The following ATF6 variants were observed in gnomAD, a reference collection of about 807,000 sequenced individuals.
ATF6 encodes the protein cyclic AMP-dependent transcription factor ATF-6 alpha.
In ATF6, 53 loss-of-function variants were observed where a neutral mutation model predicts 83.6. That is an observed-to-expected ratio of 0.63 (90% CI 0.51 to 0.80). The LOEUF (loss-of-function observed/expected upper bound fraction) is 0.80. Among genes scored for constraint, ATF6 ranks in the 30% least tolerant of loss-of-function variants. The probability of loss-of-function intolerance (pLI) is 0.00; values close to 1 mark genes in which losing one functional copy is unlikely to be tolerated. For missense variants in ATF6, 744 were observed against 797.9 expected (o/e 0.93, Z 0.81); for synonymous variants, 288 against 285.8 (o/e 1.01, Z -0.08).
chr1:161,827,523 A>T (rs545275052), intron 9 of ATF6, among the ~76,000 whole-genome samples: 2 of 152,222 alleles, frequency 1.3e-5, no homozygotes, highest in Non-Finnish European at 2.9e-5. Flanking sequence ...AGATTTCCAA[A>T]GTATTTTAAA....
intron 15 of ATF6, among the ~76,000 whole-genome samples, chr1:161,925,586 T>C (rs951109215): frequency 3.3e-5 from 5 of 152,208 alleles, no homozygotes; most frequent in Non-Finnish European, 7.3e-5. Context: ...TCATCTTACT[T>C]GTAATCAGTA....
In ATF6 at chr1:161,912,289, ATT is replaced by A; in HGVS notation, c.1720-4_1720-3del. On this transcript the variant is annotated splice_region_variant and splice_polypyrimidine_tract_variant and intron_variant, in intron 14 of 15. Transcript: ENST00000367942. ...ATATATAACAGATTGTTCTTTGTTA[ATT>A]TTAGGATCACCTGCTGTTACCAGCT... is the stretch of plus-strand genomic sequence containing the variant. The A allele has an allele frequency of 1.3e-6, 2 of 1,598,678 alleles. No individual in the cohort carries two copies. Among genetic ancestry groups the A allele is most frequent in the Non-Finnish European group, 8.5e-7 (1 of 1,172,640 alleles).
intron 14 of ATF6, among the ~76,000 whole-genome samples, chr1:161,890,277 C>G (rs1275009421): frequency 1.3e-5 from 2 of 152,148 alleles, no homozygotes; most frequent in Non-Finnish European, 2.9e-5. Flanking sequence ...AATTAAAGAT[C>G]TCGGAAGTTT....
At chr1:161,919,051 T>A in intron 15 of ATF6, among the ~76,000 whole-genome samples, 1 of 152,198 alleles carries the variant, frequency 6.6e-6, no homozygotes, top group East Asian at 1.9e-4. Flanking sequence ...ATTAATGCCA[T>A]TTAGAAATCA....
chr1:161,928,756 CA>C (rs1688373407), intron 15 of ATF6, among the ~76,000 whole-genome samples: 1 of 152,154 alleles, frequency 6.6e-6, no homozygotes, highest in Admixed American at 6.5e-5. Context: ...ACTGTCTTCT[CA>C]CTAATGAATT....
At chr1:161,785,940 T>G (rs981716907) in intron 4 of ATF6, among the ~76,000 whole-genome samples, 7 of 152,060 alleles carry the variant, frequency 4.6e-5, no homozygotes, top group Non-Finnish European at 1.0e-4. Flanking sequence ...TTGCATTTCT[T>G]TTTAAAAAAT....
At chr1:161,843,008 A>G (rs1023758624) in intron 9 of ATF6, among the ~76,000 whole-genome samples, 1 of 152,180 alleles carries the variant, frequency 6.6e-6, no homozygotes, top group African/African-American at 2.4e-5. Flanking sequence ...GTATTTTCCA[A>G]TGCGTTTATT....
chr1:161,902,714 T>C (rs1012681094), intron 14 of ATF6, among the ~76,000 whole-genome samples: 2 of 152,238 alleles, frequency 1.3e-5, no homozygotes, highest in African/African-American at 4.8e-5. Context: ...TAGTAGATCC[T>C]GGGGATTCAC....
rs577269963 is a variant in ATF6 at position 161,774,528 on chromosome 1, G to A, written c.83-3716G>A. ...AGAACAGTGCAAAGAACTCTTGCAT[G>A]CCTTTTACACAGACTCCTCAGTTGT... On this transcript the variant is annotated intron_variant, in intron 1 of 15. Coordinates refer to ENST00000367942, the MANE Select transcript of ATF6 (RefSeq NM_007348.4). Among the ~76,000 whole-genome samples the A allele has an allele frequency of 4.0e-5, 6 of 151,804 alleles. No individual in the cohort carries two copies. In the East Asian group the frequency reaches 1.2e-3, roughly 29 times the overall value.
chr1:161,824,060 AT>A (rs1186984220), intron 9 of ATF6, among the ~76,000 whole-genome samples: 1 of 152,178 alleles, frequency 6.6e-6, no homozygotes, highest in Admixed American at 6.5e-5. Flanking sequence ...AAAAGACTGT[AT>A]CCGTTTACAT....
intron 6 of ATF6, among the ~76,000 whole-genome samples, chr1:161,797,344 T>C (rs1364606722): frequency 6.6e-6 from 1 of 151,896 alleles, no homozygotes; most frequent in Non-Finnish European, 1.5e-5. Context: ...GAGAAAGAAA[T>C]AAAAGGCATC....
intron 3 of ATF6, among the ~76,000 whole-genome samples, chr1:161,783,734 G>A (rs1333368144): frequency 1.3e-5 from 2 of 151,486 alleles, no homozygotes; most frequent in East Asian, 1.9e-4. Flanking sequence ...GCAGATGCAA[G>A]TGTACACATA....
At chr1:161,830,059 A>G (rs1365685632) in intron 9 of ATF6, among the ~76,000 whole-genome samples, 2 of 152,256 alleles carry the variant, frequency 1.3e-5, no homozygotes, top group Non-Finnish European at 2.9e-5. Flanking sequence ...CCATTATCTT[A>G]GCCCAAAATC....
At chr1:161,864,833 G>C (rs1008591632) in intron 14 of ATF6, among the ~76,000 whole-genome samples, 2 of 152,162 alleles carry the variant, frequency 1.3e-5, no homozygotes, top group Admixed American at 1.3e-4. Flanking sequence ...TGAAAACAAA[G>C]TATTTCCCTT....
In ATF6 at chr1:161,805,462, C is replaced by T. The variant is rs116407624; in HGVS notation, c.909+3190C>T. 6.8e-3 allele frequency among the ~76,000 whole-genome samples: 1,028 copies of T among 152,166 alleles called. 6 individuals are homozygous for T. Among genetic ancestry groups the T allele is most frequent in the Non-Finnish European group, 0.012 (783 of 67,986 alleles). On this transcript the variant is annotated intron_variant, in intron 7 of 15. Coordinates refer to ENST00000367942, the MANE Select transcript of ATF6 (RefSeq NM_007348.4). The stretch of plus-strand genomic sequence containing the variant: ...TTTTTACTTGGCCAGCACATCGAGA[C>T]GTGAGCCAAGCCTTTCAATATGAGT...
chr1:161,771,481 G>A (rs759446273), intron 1 of ATF6, among the ~76,000 whole-genome samples: 1 of 152,130 alleles, frequency 6.6e-6, no homozygotes, highest in Non-Finnish European at 1.5e-5. Context: ...GGTGGGATAG[G>A]TGTCTCCATT....
chr1:161,864,021 G>A (rs1180521792), intron 14 of ATF6, among the ~76,000 whole-genome samples: 1 of 152,156 alleles, frequency 6.6e-6, no homozygotes. Flanking sequence ...AGGAGCACAT[G>A]AATGAATTAG....
chr1:161,838,234 T>C (rs1484634062), intron 9 of ATF6, among the ~76,000 whole-genome samples: 1 of 152,178 alleles, frequency 6.6e-6, no homozygotes, highest in East Asian at 1.9e-4. Flanking sequence ...GAGGATACTT[T>C]TCTGTAGTGA....
intron 14 of ATF6, among the ~76,000 whole-genome samples, chr1:161,889,829 G>A (rs1687509774): frequency 6.6e-6 from 1 of 152,178 alleles, no homozygotes; most frequent in Non-Finnish European, 1.5e-5. Context: ...ATATAAATAA[G>A]TAGAATGAAA....
Sources: gnomAD v4.1 joint callset for allele counts (sites outside exome capture counted in the v4.1 genomes callset) on GRCh38, gnomAD v4.1.1 for gene constraint, MANE v1.5 for transcripts, NCBI Gene and HGNC (gene_info 2026-07-23, HGNC 2026-07-21) for gene names.